The following TBC1D15 variants were observed in gnomAD, a reference collection of about 807,000 sequenced individuals.
The protein encoded by TBC1D15 is TBC1 domain family member 15.
TBC1D15 carries 39 observed loss-of-function variants against 95.4 expected under a neutral mutation model. The ratio of observed to expected loss-of-function variants is 0.41; its 90% confidence interval spans 0.32 to 0.53. TBC1D15 has a LOEUF of 0.53. Among genes scored for constraint, TBC1D15 ranks in the 20% least tolerant of loss-of-function variants. TBC1D15 has a pLI of 0.29. For synonymous variants in TBC1D15, 258 were observed against 261.3 expected (o/e 0.99, Z 0.12); for missense variants, 733 against 794.3 (o/e 0.92, Z 0.93).
chr12:71,923,053 T>G lies in TBC1D15; in HGVS notation c.1874T>G (p.Val625Gly). 1.2e-6 allele frequency: 2 copies of G among 1,614,236 alleles called. No individual in the cohort carries two copies. The highest frequency in any genetic ancestry group is 1.6e-4 in the Middle Eastern group (1 of 6,062). The part of the protein sequence containing the change: ...GSEVTTPDSD[V>G]GEDENVVMTP... ...GAAGTTACAACACCAGATTCAGACGTTGGTGAAGACGAAAATGTTGTCATG... is the reference window on the plus strand; with the variant it reads ...GAAGTTACAACACCAGATTCAGACGGTGGTGAAGACGAAAATGTTGTCATG... The change falls in exon 17 of 17, where the codon GTT becomes GGT. Residue 625 changes from valine to glycine, a missense_variant. By Grantham distance (109) the Val-to-Gly change is moderately radical. Coordinates refer to ENST00000485960, the MANE Select transcript of TBC1D15 (RefSeq NM_001146213.3).
rs756310151 is a variant in TBC1D15 at position 71,920,875 on chromosome 12, G to A, written c.1716+28G>A. On this transcript the variant is annotated intron_variant, in intron 15 of 16. Coordinates refer to ENST00000485960, the MANE Select transcript of TBC1D15 (RefSeq NM_001146213.3). ...AGTTATTCCTTTAATTCAGATTTTA[G>A]TGTTCTGGCTTTTCTATTTGGTGGT... The A allele has an allele frequency of 1.2e-5, 19 of 1,538,216 alleles. No homozygotes were observed. The South Asian group carries it at 2.2e-4, about 18-fold the overall frequency.
chr12:71,894,973 C>A, intron 7 of TBC1D15, 90 bp downstream of exon 7: 1 of 1,243,284 alleles, frequency 8.0e-7, no homozygotes, highest in Non-Finnish European at 1.1e-6. Context: ...GTGATATCTG[C>A]TTCTTTCCAT....
chr12:71,864,950 G>T (rs1565968664), intron 1 of TBC1D15, among the ~76,000 whole-genome samples: 1 of 152,208 alleles, frequency 6.6e-6, no homozygotes, highest in Non-Finnish European at 1.5e-5. Context: ...GTAGGTTGTA[G>T]AATTTTGTGG....
intron 11 of TBC1D15, among the ~76,000 whole-genome samples, chr12:71,910,374 A>G (rs1254065490): frequency 6.7e-6 from 1 of 150,082 alleles, no homozygotes; most frequent in Admixed American, 6.6e-5. Context: ...TGAACTTTAA[A>G]GTAGTTTTTT....
At chr12:71,887,156 C>T (rs906144934) in intron 5 of TBC1D15, among the ~76,000 whole-genome samples, 1 of 152,020 alleles carries the variant, frequency 6.6e-6, no homozygotes, top group Admixed American at 6.6e-5. Context: ...TTATTGAAAC[C>T]GGATCATTGT....
intron 1 of TBC1D15, among the ~76,000 whole-genome samples, chr12:71,847,612 T>G (rs1019987238): frequency 1.3e-5 from 2 of 151,812 alleles, no homozygotes; most frequent in African/African-American, 2.4e-5. Context: ...GGAGAATTGC[T>G]TGAACATGGG....
chr12:71,855,826 T>A (rs1888926406), intron 1 of TBC1D15, among the ~76,000 whole-genome samples: 1 of 151,964 alleles, frequency 6.6e-6, no homozygotes, highest in Admixed American at 6.5e-5. Flanking sequence ...ATAGCTATTG[T>A]GTCTTTTTTA....
At position 71,865,228 on chromosome 12, in the gene TBC1D15, A is replaced by T. The variant is rs946183923; in HGVS notation, c.31-6842A>T. ...TGCCTGCTCTGGCTGTGTTGGATGT[A>T]GGTTGCCCACAGAGCCAGGATGTAT... is the stretch of plus-strand genomic sequence containing the variant. On this transcript the variant is annotated intron_variant, in intron 1 of 16. Transcript: ENST00000485960. Among the ~76,000 whole-genome samples the T allele has an allele frequency of 3.5e-4, 53 of 152,152 alleles. 1 individual carries two copies. The highest frequency in any genetic ancestry group is 1.1e-3 in the African/African-American group (45 of 41,420).
chr12:71,877,487 T>C (rs1029195075), intron 3 of TBC1D15, among the ~76,000 whole-genome samples: 1 of 150,192 alleles, frequency 6.7e-6, no homozygotes, highest in Non-Finnish European at 1.5e-5. Flanking sequence ...AAATCTTTTC[T>C]TTCCTGTTTT....
chr12:71,916,595 T>C (rs574833655), intron 12 of TBC1D15, among the ~76,000 whole-genome samples: 59 of 152,338 alleles, frequency 3.9e-4, no homozygotes, highest in African/African-American at 1.4e-3. Context: ...AAAGCACTAT[T>C]GTACTGTAAA....
At chr12:71,857,020 G>A (rs1207096464) in intron 1 of TBC1D15, among the ~76,000 whole-genome samples, 1 of 152,128 alleles carries the variant, frequency 6.6e-6, no homozygotes, top group Non-Finnish European at 1.5e-5. Context: ...TTTTCGTAAA[G>A]TAATGCGTAA....
At chr12:71,884,533 G>A (rs1895845481) in intron 4 of TBC1D15, among the ~76,000 whole-genome samples, 1 of 152,106 alleles carries the variant, frequency 6.6e-6, no homozygotes, top group Non-Finnish European at 1.5e-5. Flanking sequence ...CAGTCTGCCT[G>A]CTTGCAAAGC....
chr12:71,906,451 C>G (rs1900735033), intron 10 of TBC1D15, among the ~76,000 whole-genome samples: 1 of 152,118 alleles, frequency 6.6e-6, no homozygotes, highest in South Asian at 2.1e-4. Flanking sequence ...ATCTGTTTCT[C>G]ATGAAGTCAT....
rs1895027913 is a variant in TBC1D15 at position 71,881,035 on chromosome 12, GT to G, written c.343+430del. On this transcript the variant is annotated intron_variant, in intron 4 of 16. Transcript: ENST00000485960. ...TCATTGCAGTTTTCCCTTAATATGTGTTGAGTGACTATTCTCCTTTCTACAT... is the reference window on the plus strand; with the variant it reads ...TCATTGCAGTTTTCCCTTAATATGTGTGAGTGACTATTCTCCTTTCTACAT... Among the ~76,000 whole-genome samples the G allele has an allele frequency of 2.0e-5, 3 of 152,120 alleles. No individual in the cohort carries two copies. The South Asian group carries it at 6.2e-4, about 31-fold the overall frequency.
chr12:71,923,123 A>G lies in TBC1D15; in HGVS notation c.1944A>G (p.Thr648=), dbSNP rs1474941301. Residue 648 remains threonine, a synonymous_variant, in exon 17 of 17, where the codon ACA becomes ACG. Transcript: ENST00000485960. ...CATTTCAAAGTAATGCCTTGCCTAC[A>G]CTCTCTGCCAGTGGAGCCAGAAATG... ...TSAFQSNALP[T]LSASGARNDS... The G allele has an allele frequency of 1.9e-6, 3 of 1,614,102 alleles. No homozygotes were observed. Among genetic ancestry groups the G allele is most frequent in the East Asian group, 2.2e-5 (1 of 44,874 alleles).
At chr12:71,911,959 T>C (rs2138987005) in intron 11 of TBC1D15, among the ~76,000 whole-genome samples, 1 of 152,296 alleles carries the variant, frequency 6.6e-6, no homozygotes, top group South Asian at 2.1e-4. Context: ...AACTTAATAA[T>C]AAAGCACTTT....
chr12:71,915,652 C>T (rs769087621), intron 12 of TBC1D15, among the ~76,000 whole-genome samples: 38 of 151,828 alleles, frequency 2.5e-4, no homozygotes, highest in African/African-American at 7.3e-4. Flanking sequence ...CTTTACAGTC[C>T]GTCATTTTTT....
At chr12:71,854,109 C>T (rs1316688211) in intron 1 of TBC1D15, among the ~76,000 whole-genome samples, 1 of 152,194 alleles carries the variant, frequency 6.6e-6, no homozygotes, top group African/African-American at 2.4e-5. Context: ...TGAGTTTTCT[C>T]TCCCTTTCCC....
intron 5 of TBC1D15, among the ~76,000 whole-genome samples, chr12:71,889,186 C>G (rs1896793423): frequency 1.3e-5 from 2 of 152,142 alleles, no homozygotes; most frequent in South Asian, 4.1e-4. Context: ...ACTTTGTTCT[C>G]TTCTCATTAG....
Sources: gnomAD v4.1 joint callset for allele counts (sites outside exome capture counted in the v4.1 genomes callset) on GRCh38, gnomAD v4.1.1 for gene constraint, MANE v1.5 for transcripts, NCBI Gene and HGNC (gene_info 2026-07-23, HGNC 2026-07-21) for gene names.